SLC4A3: variants seen among roughly 807,000 people sequenced by gnomAD.
SLC4A3 encodes the protein solute carrier family 4 member 3.
A neutral mutation model predicts 114.2 loss-of-function variants in SLC4A3; 47 were observed. The observed-to-expected ratio is 0.41, with a 90% CI of 0.33 to 0.52. The LOEUF is 0.52. SLC4A3 is among the 20% of genes least tolerant of loss of function. The pLI, the probability that SLC4A3 is intolerant of heterozygous loss-of-function variation, is 0.21. For missense variants in SLC4A3, 1,312 were observed against 1,668.3 expected, an observed-to-expected ratio of 0.79 and a Z score of 3.72; for synonymous variants, 693 against 710.3, an observed-to-expected ratio of 0.98 and a Z score of 0.39.
chr2:219,629,116 G>A (rs749272970), intron 3 of SLC4A3, 28 bp from the exon 4 acceptor site: 1 of 1,545,932 alleles, frequency 6.5e-7, no homozygotes, highest in Non-Finnish European at 8.7e-7. Flanking sequence ...TGCTGTGGGG[G>A]CCTCAACCGG....
chr2:219,640,726 G>C, intron 21 of SLC4A3, 63 bp from the exon 22 acceptor site: 2 of 1,579,414 alleles, frequency 1.3e-6, no homozygotes, highest in Non-Finnish European at 1.7e-6. Flanking sequence ...AATTCCCCAC[G>C]ATGTGGGTGG....
At chr2:219,640,706 C>A in intron 21 of SLC4A3, 83 bp from the exon 22 acceptor site, 1 of 1,571,746 alleles carries the variant, frequency 6.4e-7, no homozygotes, top group South Asian at 1.2e-5. Context: ...AAGCTGTGAC[C>A]TGGGAGCCAA....
rs1379199673 is a variant in SLC4A3 at position 219,631,627 on chromosome 2, C to T, written c.812-341C>T. ...ATGTTGGGGGCTCAGTGCCTGGGGA[C>T]TCTGACTCAGTGCCTGTCATGGGAC... is the stretch of plus-strand genomic sequence containing the variant. On this transcript the variant is annotated intron_variant, in intron 6 of 22. Coordinates refer to ENST00000358055, the MANE Select transcript of SLC4A3 (RefSeq NM_005070.4). This position sits in a 1 kb window ranked among gnomAD's most constrained non-coding sequence, Gnocchi z 6.3. 6.6e-6 allele frequency among the ~76,000 whole-genome samples: 1 copy of T among 152,048 alleles called. No individual in the cohort carries two copies. The highest frequency in any genetic ancestry group is 1.5e-5 in the Non-Finnish European group (1 of 68,002).
rs1258774858 is a variant in SLC4A3 at position 219,633,299 on chromosome 2, G to A, written c.1303G>A (p.Gly435Ser). The change falls in exon 10 of 23, where the codon GGC becomes AGC. Residue 435 changes from glycine to serine, a missense_variant. By Grantham distance (56) the Gly-to-Ser change is moderately conservative. Transcript: ENST00000358055. ...CCATCCCAACGATGACAAGGACAGT[G>A]GCTTCTTTCCCCGAAACCCATCGAG... ...HSHPNDDKDS[G>S]FFPRNPSSSS... 1.4e-5 allele frequency: 22 copies of A among 1,579,640 alleles called. No homozygotes were observed. The highest frequency in any genetic ancestry group is 1.9e-5 in the Non-Finnish European group (22 of 1,161,374).
At position 219,635,380 on chromosome 2, in the gene SLC4A3, G is replaced by T; in HGVS notation, c.1856G>T (p.Arg619Leu). 1 of 1,614,166 alleles carries T rather than the reference G, an allele frequency of 6.2e-7. No individual in the cohort carries two copies. Among genetic ancestry groups the T allele is most frequent in the African/African-American group, 1.3e-5 (1 of 75,034 alleles). The change falls in exon 13 of 23, where the codon CGT (arginine) becomes CTT (leucine). Residue 619 changes from arginine to leucine, a missense_variant. By Grantham distance (102) the Arg-to-Leu change is moderately radical. This residue lies in a region of SLC4A3 where 771 missense variants were observed against 977.7 expected (regional missense o/e 0.79). Transcript: ENST00000358055. ...IVIPPSEVEG[R>L]DLLRSVAAFQ... is the part of the protein sequence containing the mutation. ...ATCCCCCCGTCCGAGGTGGAGGGCC[G>T]TGACCTGCTGCGCTCCGTGGCTGCT...
intron 20 of SLC4A3, 84 bp from the exon 21 acceptor site, chr2:219,640,346 G>A: frequency 1.4e-6 from 2 of 1,475,232 alleles, no homozygotes; most frequent in Non-Finnish European, 1.9e-6. Flanking sequence ...TGAGGGTCAG[G>A]CAGATCTGTG....
chr2:219,633,705 A>G (rs1296817861), intron 10 of SLC4A3, 175 bp from the exon 11 acceptor site: 2 of 1,025,600 alleles, frequency 2.0e-6, no homozygotes, highest in Non-Finnish European at 2.8e-6. Flanking sequence ...AGTTGGGGAC[A>G]TCGAGGCAGG....
Position 219,641,769 on chromosome 2 carries a change from GGATT to G in SLC4A3, c.*44_*47del, listed in dbSNP as rs747299449. On this transcript the variant is annotated 3_prime_UTR_variant, in exon 23 of 23. Coordinates refer to ENST00000358055, the MANE Select transcript of SLC4A3 (RefSeq NM_005070.4). This position sits in a 1 kb window ranked among gnomAD's most constrained non-coding sequence, Gnocchi z 4.0. ...CCCCTCAGAGACCCCAAGACCTTAG[GGATT>G]GACACCTGGGCCTCAGGCAGAGCCC... The G allele has an allele frequency of 5.2e-6, 8 of 1,540,026 alleles. No homozygotes were observed. In the East Asian group the frequency reaches 1.8e-4, roughly 35 times the overall value.
At position 219,635,487 on chromosome 2, in the gene SLC4A3, C is replaced by G. The variant is rs767925893; in HGVS notation, c.1963C>G (p.Pro655Ala). 6.2e-7 allele frequency: 1 copy of G among 1,609,558 alleles called. No homozygotes were observed. Among genetic ancestry groups the G allele is most frequent in the Non-Finnish European group, 8.5e-7 (1 of 1,177,736 alleles). The change falls in exon 13 of 23, where the codon CCT (proline) becomes GCT (alanine). Residue 655 changes from proline (P) to alanine (A), a missense_variant. Physicochemically the swap from Pro to Ala is conservative, Grantham distance 27. Transcript: ENST00000358055. ...GACCACACGGGGTGGCTACACGGCC[C>G]CTGGGAAAGGTCAGACCCTTGGAGG... ...EMTTRGGYTAPGKELSLELGG... is the reference protein window; with the variant it reads ...EMTTRGGYTAAGKELSLELGG...
rs2106178041 is a variant in SLC4A3, at chr2:219,627,890, C to A, written c.-93-10C>A. On this transcript the variant is annotated splice_polypyrimidine_tract_variant and intron_variant, in intron 1 of 22. Transcript: ENST00000358055. ...AGCGCAAGGAACCTGACCCCGCCCT[C>A]CTCCCCCAGGGCTCCCCGCTAGGCC... 2.2e-6 allele frequency: 2 copies of A among 913,688 alleles called. No homozygotes were observed. The highest frequency in any genetic ancestry group is 1.7e-5 in the African/African-American group (1 of 57,190). 56.6% of individuals were successfully genotyped at this position (913,688 alleles called of 1,614,324 possible).
In SLC4A3 at chr2:219,628,307, A is replaced by T; in HGVS notation, c.52-98A>T. The T allele has an allele frequency of 7.7e-7, 1 of 1,299,062 alleles. No homozygotes were observed. The highest frequency in any genetic ancestry group is 1.5e-5 in the South Asian group (1 of 65,464). 80.5% of individuals were successfully genotyped at this position (1,299,062 alleles called of 1,614,324 possible). A position where few individuals can be genotyped will look rare whatever the true frequency, so the allele number is the denominator to read the frequency against. On this transcript the variant is annotated intron_variant, in intron 2 of 22. Transcript: ENST00000358055. The surrounding 1 kb of genome is among the most constrained non-coding windows in gnomAD (Gnocchi z 4.8). ...CAAGGGGAGGGGGCCCGATGGTGTG[A>T]GAGCCTGCTGAGCTCCCCCAACTAG...
In SLC4A3 at chr2:219,636,570, G is replaced by A; in HGVS notation, c.2341-110G>A. 2.0e-6 allele frequency: 3 copies of A among 1,473,808 alleles called. No homozygotes were observed. The highest frequency in any genetic ancestry group is 2.7e-5 in the South Asian group (2 of 75,256). 91.3% of individuals were successfully genotyped at this position (1,473,808 alleles called of 1,614,324 possible). A position where few individuals can be genotyped will look rare whatever the true frequency, so the allele number is the denominator to read the frequency against. On this transcript the variant is annotated intron_variant, in intron 15 of 22. Coordinates refer to ENST00000358055, the MANE Select transcript of SLC4A3 (RefSeq NM_005070.4). This position sits in a 1 kb window ranked among gnomAD's most constrained non-coding sequence, Gnocchi z 5.5. ...CACACTCTTCCTTACCTAGGGGATGGGTCCCTGCATTCTCCCTCTTCCTCG... is the reference window on the plus strand; with the variant it reads ...CACACTCTTCCTTACCTAGGGGATGAGTCCCTGCATTCTCCCTCTTCCTCG...
In SLC4A3 at chr2:219,630,909, G is replaced by A. The variant is rs111405502; in HGVS notation, c.811+557G>A. Among the ~76,000 whole-genome samples the A allele has an allele frequency of 3.3e-5, 5 of 152,184 alleles. No individual in the cohort carries two copies. The highest frequency in any genetic ancestry group is 1.9e-4 in the East Asian group (1 of 5,158). On this transcript the variant is annotated intron_variant, in intron 6 of 22. Transcript: ENST00000358055. This position sits in a 1 kb window ranked among gnomAD's most constrained non-coding sequence, Gnocchi z 6.9. Reference sequence around the variant, plus strand: ...CATCACTGATCCCTCCCCCTCCTCCGAGCCACAGTGTGTGGGTGGGGTGGG... The same window carrying A: ...CATCACTGATCCCTCCCCCTCCTCCAAGCCACAGTGTGTGGGTGGGGTGGG...
chr2:219,628,239 C>T lies in SLC4A3; in HGVS notation c.52-166C>T, dbSNP rs1376212290. On this transcript the variant is annotated intron_variant, in intron 2 of 22. Transcript: ENST00000358055. The surrounding 1 kb of genome is among the most constrained non-coding windows in gnomAD (Gnocchi z 4.8). ...CCTCTCTCTTTACAAGCTCTGGGAG[C>T]CCAGAGAGGGTGGTTTCTGGGATGC... is the stretch of plus-strand genomic sequence containing the variant. Among the ~76,000 whole-genome samples, 1 of 152,022 alleles carries T rather than the reference C, an allele frequency of 6.6e-6. No homozygotes were observed. Among genetic ancestry groups the T allele is most frequent in the Admixed American group, 6.5e-5 (1 of 15,278 alleles).
Position 219,637,217 on chromosome 2 carries a change from G to A in SLC4A3, c.2535+343G>A, listed in dbSNP as rs1699149299. Reference sequence around the variant, plus strand: ...GAGTGTGTGTGTGTGTGTGGGTGTGGGTGTGGTGTGAGTATGGTGTGTTGT... The same window carrying A: ...GAGTGTGTGTGTGTGTGTGGGTGTGAGTGTGGTGTGAGTATGGTGTGTTGT... On this transcript the variant is annotated intron_variant, in intron 16 of 22. Transcript: ENST00000358055. This position sits in a 1 kb window ranked among gnomAD's most constrained non-coding sequence, Gnocchi z 4.6. Among the ~76,000 whole-genome samples the A allele has an allele frequency of 6.6e-6, 1 of 150,936 alleles. No individual in the cohort carries two copies. Among genetic ancestry groups the A allele is most frequent in the African/African-American group, 2.4e-5 (1 of 41,022 alleles).
At position 219,638,473 on chromosome 2, in the gene SLC4A3, A is replaced by G. The variant is rs1699207068; in HGVS notation, c.2856+220A>G. 6.6e-6 allele frequency among the ~76,000 whole-genome samples: 1 copy of G among 152,174 alleles called. No homozygotes were observed. On this transcript the variant is annotated intron_variant, in intron 18 of 22. Coordinates refer to ENST00000358055, the MANE Select transcript of SLC4A3 (RefSeq NM_005070.4). This position sits in a 1 kb window ranked among gnomAD's most constrained non-coding sequence, Gnocchi z 7.5. ...GGAGCAGAATGACAGTATCCCACAC[A>G]GGTCCCCTGAAGCTCTGGGGCTCAG...
chr2:219,631,261 A>G lies in SLC4A3; in HGVS notation c.812-707A>G, dbSNP rs1275551516. On this transcript the variant is annotated intron_variant, in intron 6 of 22. Coordinates refer to ENST00000358055, the MANE Select transcript of SLC4A3 (RefSeq NM_005070.4). The surrounding 1 kb of genome is among the most constrained non-coding windows in gnomAD (Gnocchi z 6.3). ...AGAATGACGAGCCCACTGGAGAAGG[A>G]CCCTGAGCCCAATGGGGCACTGAGC... The G allele has an allele frequency of 2.3e-6, 3 of 1,284,532 alleles. No individual in the cohort carries two copies. In the East Asian group the frequency reaches 1.7e-4, roughly 73 times the overall value. 79.6% of individuals were successfully genotyped at this position (1,284,532 alleles called of 1,614,324 possible).
Position 219,633,368 on chromosome 2 carries a change from A to G in SLC4A3, c.1372A>G (p.Ser458Gly). The change falls in exon 10 of 23, where the codon AGC becomes GGC. Residue 458 changes from serine (S) to glycine (G), a missense_variant. By Grantham distance (56) the Ser-to-Gly change is moderately conservative. This residue lies in a region of SLC4A3 where 771 missense variants were observed against 977.7 expected (regional missense o/e 0.79). Coordinates refer to ENST00000358055, the MANE Select transcript of SLC4A3 (RefSeq NM_005070.4). Reference sequence around the variant, plus strand: ...TCTGGGGAATCATCACCCAACTCCCAGCCATGGCCCTGATGGGGCGGTGCC... The same window carrying G: ...TCTGGGGAATCATCACCCAACTCCCGGCCATGGCCCTGATGGGGCGGTGCC... ...SVLGNHHPTP[S>G]HGPDGAVPTM... 6.2e-7 allele frequency: 1 copy of G among 1,607,050 alleles called. No homozygotes were observed. The highest frequency in any genetic ancestry group is 8.5e-7 in the Non-Finnish European group (1 of 1,175,512).
chr2:219,629,169 C>G lies in SLC4A3; in HGVS notation c.243C>G (p.Thr81=), dbSNP rs756807683. The G allele has an allele frequency of 1.9e-6, 3 of 1,605,424 alleles. No individual in the cohort carries two copies. The highest frequency in any genetic ancestry group is 2.6e-6 in the Non-Finnish European group (3 of 1,175,668). The change falls in exon 4 of 23, where the codon ACC becomes ACG. Residue 81 remains threonine, a synonymous_variant. Transcript: ENST00000358055. ...TTCACCGGCACACATCCCACCACAC[C>G]CACCACCCGCTCTCAGCGCGCCTGC... ...FEFHRHTSHH[T]HHPLSARLPP... is the part of the protein sequence containing the mutation.
Sources: gnomAD v4.1 joint callset for allele counts (sites outside exome capture counted in the v4.1 genomes callset) on GRCh38, gnomAD v4.1.1 for gene constraint, gnomAD v4.1.1 regional missense constraint, Gnocchi (gnomAD v3.1) non-coding constraint, MANE v1.5 for transcripts, NCBI Gene and HGNC (gene_info 2026-07-23, HGNC 2026-07-21) for gene names.